OSBPL10: variants seen among roughly 807,000 people sequenced by gnomAD.
OSBPL10 encodes oxysterol binding protein like 10.
OSBPL10 carries 49 observed loss-of-function variants against 81.7 expected under a neutral mutation model. The ratio of observed to expected loss-of-function variants is 0.60; its 90% CI spans 0.48 to 0.76. The LOEUF is 0.76. Ranked by LOEUF, OSBPL10 falls within the 30% of genes least tolerant of loss-of-function variation. The pLI, the probability that OSBPL10 is intolerant of heterozygous loss-of-function variation, is 0.00. For missense variants in OSBPL10, 923 were observed against 987.8 expected (o/e 0.93, Z 0.88); for synonymous variants, 419 against 383.6 (o/e 1.09, Z -1.08).
Position 31,981,102 on chromosome 3 carries a change from C to G in OSBPL10, c.78G>C (p.Ser26=). 1 of 1,492,304 alleles carries G rather than the reference C, an allele frequency of 6.7e-7. No homozygotes were observed. The highest frequency in any genetic ancestry group is 8.9e-7 in the Non-Finnish European group (1 of 1,125,716). The allele number at this position is 1,492,304 out of a possible 1,614,324, so 92.4% of individuals were successfully genotyped here. A position where few individuals can be genotyped will look rare whatever the true frequency, so the allele number is the denominator to read the frequency against. ...SSSRSSSRAT[S]AGSSPSCSLA... The stretch of plus-strand genomic sequence containing the variant: ...GAGAGCAGGAGGGCGAGGAGCCCGC[C>G]GAGGTAGCACGGCTGCTGCTGCGGC... Residue 26 remains serine, a synonymous_variant, in exon 1 of 12, where the codon TCG becomes TCC. Coordinates refer to ENST00000396556, the MANE Select transcript of OSBPL10 (RefSeq NM_017784.5). The surrounding 1 kb of genome is among the most constrained non-coding windows in gnomAD (Gnocchi z 4.5).
At chr3:31,797,752 T>C (rs943850451) in intron 4 of OSBPL10, 4 of 455,974 alleles carry the variant, frequency 8.8e-6, no homozygotes, top group African/African-American at 8.0e-5. Context: ...CAATACAATG[T>C]ACCAGAAAGA....
chr3:31,962,993 T>C (rs62244382), intron 1 of OSBPL10, among the ~76,000 whole-genome samples: 35 of 152,180 alleles, frequency 2.3e-4, no homozygotes, highest in Non-Finnish European at 4.4e-4. Flanking sequence ...CAGGAAGTGG[T>C]GTGACTCCTG....
Position 31,926,289 on chromosome 3 carries a change from G to GC in OSBPL10, c.282-46460dup, listed in dbSNP as rs36122261. Among the ~76,000 whole-genome samples, 5 of 130,196 alleles carry GC rather than the reference G, an allele frequency of 3.8e-5. 1 individual carries two copies. The highest frequency in any genetic ancestry group is 2.5e-4 in the East Asian group (1 of 3,930). The allele number at this position is 130,196 out of a possible 152,430, so 85.4% of individuals were successfully genotyped here. A position where few individuals can be genotyped will look rare whatever the true frequency, so the allele number is the denominator to read the frequency against. Reference sequence around the variant, plus strand: ...GTGGTTCTCAACCATGGGTGATTTTGCCCCCCCAGAGGATAGCTGCAATGT... The same window carrying GC: ...GTGGTTCTCAACCATGGGTGATTTTGCCCCCCCCAGAGGATAGCTGCAATGT... On this transcript the variant is annotated intron_variant, in intron 1 of 11. Transcript: ENST00000396556.
intron 1 of OSBPL10, among the ~76,000 whole-genome samples, chr3:31,959,360 A>G (rs1476534184): frequency 6.6e-6 from 1 of 152,230 alleles, no homozygotes; most frequent in Non-Finnish European, 1.5e-5. Context: ...GGAAAATAAA[A>G]TAAAAGCAAC....
At chr3:31,965,304 A>G (rs1026670067) in intron 1 of OSBPL10, among the ~76,000 whole-genome samples, 4 of 147,030 alleles carry the variant, frequency 2.7e-5, no homozygotes, top group African/African-American at 1.0e-4. Flanking sequence ...CAGGAGGCAG[A>G]GCTTGCAGGG....
In OSBPL10 at chr3:32,039,603, G is replaced by C. The variant is rs549899903; in HGVS notation, n.298+6888C>G. On this transcript the variant is annotated intron_variant and non_coding_transcript_variant, in intron 2 of 3. Coordinates refer to the OSBPL10 transcript ENST00000479173. ...GAACCTGGGAGGCAGAGATTGCAGT[G>C]AGCTGAGATCACGTCATTGCACTCC... 2.0e-5 allele frequency among the ~76,000 whole-genome samples: 3 copies of C among 151,882 alleles called. No individual in the cohort carries two copies. In the East Asian group the frequency reaches 5.8e-4, roughly 29 times the overall value.
intron 1 of OSBPL10, among the ~76,000 whole-genome samples, chr3:32,056,908 A>G (rs1699717090): frequency 6.6e-6 from 1 of 152,228 alleles, no homozygotes; most frequent in South Asian, 2.1e-4. Flanking sequence ...ATGCTGATAA[A>G]ACAGGATGCA....
chr3:31,927,924 G>A (rs1444542784), intron 1 of OSBPL10, among the ~76,000 whole-genome samples: 1 of 152,150 alleles, frequency 6.6e-6, no homozygotes, highest in East Asian at 1.9e-4. Context: ...ACTAGCCCTT[G>A]TAGTCGGGAA....
chr3:32,072,816 T>C (rs2125451044), intron 1 of OSBPL10, among the ~76,000 whole-genome samples: 1 of 152,310 alleles, frequency 6.6e-6, no homozygotes, highest in South Asian at 2.1e-4. Flanking sequence ...GGTAGAGGCC[T>C]TTCCCACGGG....
chr3:31,779,279 T>A (rs1247825002), intron 4 of OSBPL10, among the ~76,000 whole-genome samples: 2 of 152,184 alleles, frequency 1.3e-5, no homozygotes, highest in Non-Finnish European at 2.9e-5. Flanking sequence ...AATGGCAGAA[T>A]GGATAAAAAT....
intron 1 of OSBPL10, among the ~76,000 whole-genome samples, chr3:31,965,900 A>G (rs1367566658): frequency 9.1e-6 from 1 of 109,348 alleles, no homozygotes; most frequent in Non-Finnish European, 1.7e-5. Context: ...TATATTATAT[A>G]TTATATAAAA....
chr3:32,036,218 T>G (rs1699517327), intron 2 of OSBPL10, among the ~76,000 whole-genome samples: 1 of 152,170 alleles, frequency 6.6e-6, no homozygotes, highest in Admixed American at 6.6e-5. Context: ...CGGCTAATCT[T>G]TTTAATTTTT....
intron 4 of OSBPL10, among the ~76,000 whole-genome samples, chr3:31,805,028 A>T (rs1463903161): frequency 6.6e-6 from 1 of 152,142 alleles, no homozygotes; most frequent in East Asian, 1.9e-4. Context: ...CAAAATTCGT[A>T]ATTATTATTT....
chr3:31,781,942 A>G (rs2125771148), intron 4 of OSBPL10, among the ~76,000 whole-genome samples: 1 of 152,266 alleles, frequency 6.6e-6, no homozygotes, highest in South Asian at 2.1e-4. Context: ...TCTTCACACA[A>G]CTAGAAAAAA....
chr3:31,821,634 G>A (rs551689166), intron 4 of OSBPL10, among the ~76,000 whole-genome samples: 1 of 152,196 alleles, frequency 6.6e-6, no homozygotes, highest in East Asian at 1.9e-4. Flanking sequence ...TTCAGAGATG[G>A]CAAATTGCTA....
chr3:31,748,061 T>G lies in OSBPL10; in HGVS notation c.789A>C (p.Pro263=), dbSNP rs1281014218. ...CCAAGGCAGTGAGGGGGCCGGACCC[T>G]GGCAGGGACTCAATGGCGTGCACAA... is the stretch of plus-strand genomic sequence containing the variant. The part of the protein sequence containing the change: ...KNLVHAIESL[P]GSGPLTALDQ... The change falls in exon 5 of 12, where the codon CCA becomes CCC. Residue 263 remains proline, a synonymous_variant. Coordinates refer to ENST00000396556, the MANE Select transcript of OSBPL10 (RefSeq NM_017784.5). 1.9e-6 allele frequency: 3 copies of G among 1,614,042 alleles called. No homozygotes were observed. Among genetic ancestry groups the G allele is most frequent in the Non-Finnish European group, 2.5e-6 (3 of 1,180,026 alleles).
At chr3:31,775,639 T>C (rs1277913220) in intron 4 of OSBPL10, among the ~76,000 whole-genome samples, 4 of 152,008 alleles carry the variant, frequency 2.6e-5, no homozygotes, top group Non-Finnish European at 4.4e-5. Flanking sequence ...GAGGGAGTGA[T>C]GGTGACTCAC....
intron 2 of OSBPL10, among the ~76,000 whole-genome samples, chr3:31,991,790 T>G (rs1699033646): frequency 6.6e-6 from 1 of 152,076 alleles, no homozygotes; most frequent in Non-Finnish European, 1.5e-5. Context: ...TTGGGATCTT[T>G]CTCACTACCA....
intron 1 of OSBPL10, among the ~76,000 whole-genome samples, chr3:31,944,873 C>T (rs1697651162): frequency 7.7e-6 from 1 of 129,606 alleles, no homozygotes; most frequent in Non-Finnish European, 1.6e-5. Context: ...AAAAAAAAGG[C>T]CAGGCACAGT....
Sources: allele counts gnomAD v4.1 joint callset (sites outside exome capture counted in the v4.1 genomes callset), GRCh38; gene constraint gnomAD v4.1.1; non-coding constraint Gnocchi (gnomAD v3.1); transcripts MANE v1.5; gene names NCBI Gene and HGNC (gene_info 2026-07-23, HGNC 2026-07-21).